Variants in ABCA1 observed in about 807,000 individuals in gnomAD.
ABCA1 encodes the protein ATP binding cassette subfamily A member 1.
A neutral mutation model predicts 262.5 loss-of-function variants in ABCA1; 133 were observed. The observed-to-expected ratio is 0.51, with a 90% confidence interval of 0.44 to 0.59. The LOEUF (loss-of-function observed/expected upper bound fraction) is 0.59, where lower values mean the gene tolerates loss of function less well. ABCA1 is among the 20% of genes least tolerant of loss of function. ABCA1 has a pLI of 0.00. For missense variants in ABCA1, 2,452 were observed against 2,777.5 expected (o/e 0.88, Z 2.63); for synonymous variants, 1,022 against 1,043.5 (o/e 0.98, Z 0.40).
At chr9:104,840,103 G>A (rs1038500281) in intron 9 of ABCA1, among the ~76,000 whole-genome samples, 176 bp downstream of exon 9, 3 of 152,196 alleles carry the variant, frequency 2.0e-5, no homozygotes, top group Non-Finnish European at 4.4e-5. Flanking sequence ...CAGAGAACTG[G>A]GGACAGGTAG....
At chr9:104,884,633 C>T in intron 3 of ABCA1, 65 bp from the exon 4 acceptor site, 1 of 1,582,930 alleles carries the variant, frequency 6.3e-7, no homozygotes, top group South Asian at 1.1e-5. Flanking sequence ...GATTTTGAGG[C>T]TCCATTTATA....
At position 104,827,184 on chromosome 9, in the gene ABCA1, A is replaced by G; in HGVS notation, c.2116-15T>C. ...AGGTTTCCTAACTGGGAAGGAAGAG[A>G]CACATCAAATGTGCTGCCTCAACAA... is the stretch of plus-strand genomic sequence containing the variant. On this transcript the variant is annotated splice_polypyrimidine_tract_variant and intron_variant, in intron 15 of 49. Transcript: ENST00000374736. The G allele has an allele frequency of 6.2e-7, 1 of 1,606,952 alleles. No individual in the cohort carries two copies. The highest frequency in any genetic ancestry group is 8.5e-7 in the Non-Finnish European group (1 of 1,173,742).
intron 47 of ABCA1, among the ~76,000 whole-genome samples, chr9:104,786,628 T>C (rs1828955532): frequency 1.3e-5 from 2 of 152,244 alleles, no homozygotes; most frequent in African/African-American, 4.8e-5. Flanking sequence ...AATGGAATAC[T>C]ATCCAGCTAT....
At chr9:104,923,110 CAG>C (rs1842234397) in intron 1 of ABCA1, among the ~76,000 whole-genome samples, 3 of 152,164 alleles carry the variant, frequency 2.0e-5, no homozygotes, top group African/African-American at 4.8e-5. Flanking sequence ...ACAGCAGTAA[CAG>C]AGAAATAGCT....
Position 104,817,794 on chromosome 9 carries a change from C to T in ABCA1, c.3463-390G>A, listed in dbSNP as rs1369278506. On this transcript the variant is annotated intron_variant, in intron 23 of 49. Transcript: ENST00000374736. The surrounding 1 kb of genome is among the most constrained non-coding windows in gnomAD (Gnocchi z 4.7). ...TTGTTAAAATGCACAGATTCTGATT[C>T]GGTAGGTCTGAGCTGGGCCCAGGTT... Among the ~76,000 whole-genome samples the T allele has an allele frequency of 3.9e-5, 6 of 152,218 alleles. No homozygotes were observed. The highest frequency in any genetic ancestry group is 7.3e-5 in the Non-Finnish European group (5 of 68,036).
chr9:104,801,904 G>T, intron 34 of ABCA1, 150 bp downstream of exon 34: 1 of 767,348 alleles, frequency 1.3e-6, no homozygotes, highest in Non-Finnish European at 2.3e-6. Context: ...GTTTTGTCTG[G>T]CTCAAATCGC....
intron 7 of ABCA1, chr9:104,855,591 C>T: frequency 1.6e-6 from 2 of 1,261,106 alleles, no homozygotes; most frequent in Non-Finnish European, 2.1e-6. Flanking sequence ...ATTTATTGAG[C>T]ACCTATTGTG....
At chr9:104,815,976 C>T (rs1831716812) in intron 25 of ABCA1, among the ~76,000 whole-genome samples, 167 bp downstream of exon 25, 1 of 152,188 alleles carries the variant, frequency 6.6e-6, no homozygotes, top group Admixed American at 6.5e-5. Context: ...CTGCTATCTC[C>T]CACTACCATC....
chr9:104,925,848 G>T (rs914268102), intron 1 of ABCA1, among the ~76,000 whole-genome samples: 4 of 152,088 alleles, frequency 2.6e-5, no homozygotes, highest in African/African-American at 7.2e-5. Context: ...TCAAGAGAAT[G>T]ATACTCTCAA....
At chr9:104,901,857 T>C (rs1478283242) in intron 2 of ABCA1, among the ~76,000 whole-genome samples, 1 of 152,174 alleles carries the variant, frequency 6.6e-6, no homozygotes, top group Non-Finnish European at 1.5e-5. Flanking sequence ...GAAATAACAG[T>C]ACATCGCGGG....
At chr9:104,925,625 G>T (rs2515610) in intron 1 of ABCA1, among the ~76,000 whole-genome samples, 28,682 of 151,914 alleles carry the variant, frequency 0.19, 3,111 homozygotes, top group South Asian at 0.34. Context: ...CCACTTCCCC[G>T]GTCCTTCTGA....
chr9:104,860,329 A>T (rs370448042), intron 6 of ABCA1, among the ~76,000 whole-genome samples: 1 of 152,194 alleles, frequency 6.6e-6, no homozygotes, highest in East Asian at 1.9e-4. Flanking sequence ...AATGGAAATT[A>T]TGCTAAATGC....
chr9:104,808,657 T>C (rs1357477807), intron 30 of ABCA1, among the ~76,000 whole-genome samples: 1 of 152,240 alleles, frequency 6.6e-6, no homozygotes, highest in Non-Finnish European at 1.5e-5. Context: ...GTTATCATGC[T>C]CACTGTTCTG....
At chr9:104,784,832 C>T (rs142026994) in intron 49 of ABCA1, among the ~76,000 whole-genome samples, 1,853 of 152,166 alleles carry the variant, frequency 0.012, 36 homozygotes, top group African/African-American at 0.042. Context: ...TTAGTAGAGA[C>T]GGGGTTTCAC....
intron 32 of ABCA1, among the ~76,000 whole-genome samples, chr9:104,804,394 T>C (rs1406716153): frequency 1.3e-5 from 2 of 152,224 alleles, no homozygotes; most frequent in Non-Finnish European, 2.9e-5. Context: ...TGACGTTGAA[T>C]CCATTTCTAT....
At chr9:104,879,721 A>ATG (rs1451821548) in intron 5 of ABCA1, among the ~76,000 whole-genome samples, 1 of 152,244 alleles carries the variant, frequency 6.6e-6, no homozygotes, top group Non-Finnish European at 1.5e-5. Flanking sequence ...GGTGACGTGA[A>ATG]TGCCAAAATG....
chr9:104,791,704 A>C (rs1829442741), intron 43 of ABCA1, among the ~76,000 whole-genome samples: 1 of 152,098 alleles, frequency 6.6e-6, no homozygotes, highest in Admixed American at 6.6e-5. Context: ...GGATTACAGG[A>C]GTGAATCACT....
chr9:104,836,568 G>C (rs933110912), intron 11 of ABCA1, among the ~76,000 whole-genome samples: 1 of 152,200 alleles, frequency 6.6e-6, no homozygotes, highest in African/African-American at 2.4e-5. Context: ...CCCTGAGAAT[G>C]AGTATCTCAG....
At chr9:104,869,491 C>T (rs533161339) in intron 5 of ABCA1, among the ~76,000 whole-genome samples, 1 of 152,276 alleles carries the variant, frequency 6.6e-6, no homozygotes, top group East Asian at 1.9e-4. Context: ...ACTCCAGTGT[C>T]TTTATGGTAT....
Sources: gnomAD v4.1 joint callset for allele counts (sites outside exome capture counted in the v4.1 genomes callset) on GRCh38, gnomAD v4.1.1 for gene constraint, Gnocchi (gnomAD v3.1) non-coding constraint, MANE v1.5 for transcripts, NCBI Gene and HGNC (gene_info 2026-07-23, HGNC 2026-07-21) for gene names.